Variants in BEND5 observed in about 807,000 individuals in gnomAD.
BEND5 encodes the protein BEN domain containing 5, also known as BEN domain-containing protein 5.
A neutral mutation model predicts 43.9 loss-of-function variants in BEND5; 22 were observed. The ratio of observed to expected loss-of-function variants is 0.50; its 90% CI spans 0.36 to 0.72. BEND5 has a LOEUF of 0.72. Ranked by LOEUF, BEND5 falls within the 30% of genes least tolerant of loss-of-function variation. BEND5 has a pLI of 0.00. For missense variants in BEND5, 428 were observed against 550.6 expected, an observed-to-expected ratio of 0.78 and a Z score of 2.23; for synonymous variants, 228 against 225.9, an observed-to-expected ratio of 1.01 and a Z score of -0.08.
chr1:48,752,574 C>T (rs1410230180), intron 3 of BEND5, among the ~76,000 whole-genome samples: 1 of 152,150 alleles, frequency 6.6e-6, no homozygotes, highest in Non-Finnish European at 1.5e-5. Context: ...AAGATTAAGA[C>T]ATCCCAGACC....
At chr1:48,749,605 G>A (rs1450627225) in intron 3 of BEND5, among the ~76,000 whole-genome samples, 1 of 152,126 alleles carries the variant, frequency 6.6e-6, no homozygotes, top group Non-Finnish European at 1.5e-5. Context: ...TCACTCTGTG[G>A]GACCCTCAGC....
intron 1 of BEND5, among the ~76,000 whole-genome samples, chr1:48,765,194 T>A (rs1644471446): frequency 6.6e-6 from 1 of 152,248 alleles, no homozygotes; most frequent in African/African-American, 2.4e-5. Context: ...CACTGGCGTA[T>A]GAGTAACCTC....
chr1:48,738,761 A>G (rs1404155436), intron 4 of BEND5, among the ~76,000 whole-genome samples: 1 of 152,128 alleles, frequency 6.6e-6, no homozygotes, highest in Admixed American at 6.5e-5. Context: ...GGGAGATGAA[A>G]GTCCTTTTAG....
At chr1:48,744,879 T>C (rs1213668801) in intron 3 of BEND5, among the ~76,000 whole-genome samples, 2 of 152,196 alleles carry the variant, frequency 1.3e-5, no homozygotes, top group African/African-American at 2.4e-5. Context: ...TCCAGGCCTC[T>C]GTGCTGTTTG....
intron 3 of BEND5, among the ~76,000 whole-genome samples, chr1:48,754,128 A>G (rs902165820): frequency 6.6e-6 from 1 of 152,180 alleles, no homozygotes; most frequent in Non-Finnish European, 1.5e-5. Context: ...AGTGGTACTT[A>G]CAGTGTAACA....
intron 3 of BEND5, among the ~76,000 whole-genome samples, chr1:48,743,243 C>T (rs976117894): frequency 1.3e-5 from 2 of 152,156 alleles, no homozygotes; most frequent in African/African-American, 4.8e-5. Flanking sequence ...CTCCCCAAGA[C>T]CTAGTATCTA....
Sources: gnomAD v4.1 joint callset for allele counts (sites outside exome capture counted in the v4.1 genomes callset) on GRCh38, gnomAD v4.1.1 for gene constraint, MANE v1.5 for transcripts, NCBI Gene and HGNC (gene_info 2026-07-23, HGNC 2026-07-21) for gene names.